Variants in TIMM17A observed in about 807,000 individuals in gnomAD.
TIMM17A encodes the protein mitochondrial import inner membrane translocase subunit Tim17-A.
Under a neutral mutation model 26.5 loss-of-function variants are expected in TIMM17A, and 15 were observed. The ratio of observed to expected loss-of-function variants is 0.57; its 90% CI spans 0.38 to 0.87. TIMM17A has a LOEUF of 0.87. Ranked by LOEUF, TIMM17A falls within the 40% of genes least tolerant of loss-of-function variation. The pLI is 0.00. For synonymous variants in TIMM17A, 80 were observed against 70.8 expected (o/e 1.13, Z -0.66); for missense variants, 201 against 210.0 (o/e 0.96, Z 0.27).
intron 3 of TIMM17A, chr1:201,963,394 T>G: frequency 2.2e-6 from 1 of 448,660 alleles, no homozygotes; most frequent in Non-Finnish European, 3.9e-6. Flanking sequence ...TCTTATAGGC[T>G]TTGGGCCGTT....
intron 5 of TIMM17A, among the ~76,000 whole-genome samples, chr1:201,967,132 C>G (rs1682647685): frequency 6.6e-6 from 1 of 151,572 alleles, no homozygotes; most frequent in African/African-American, 2.4e-5. Context: ...GGAAAAGATT[C>G]AGCATAAAGT....
chr1:201,966,193 T>G (rs745721032), intron 5 of TIMM17A, among the ~76,000 whole-genome samples: 1 of 152,158 alleles, frequency 6.6e-6, no homozygotes, highest in Non-Finnish European at 1.5e-5. Context: ...GATCATTACA[T>G]GGTTATAGAA....
Position 201,963,601 on chromosome 1 carries a change from T to C in TIMM17A, c.191-15T>C. On this transcript the variant is annotated splice_polypyrimidine_tract_variant and intron_variant, in intron 3 of 5. Coordinates refer to ENST00000367287, the MANE Select transcript of TIMM17A (RefSeq NM_006335.3). ...TTAAATTAGTATTTGCTTGTTTCTT[T>C]TTACAATAAAATAGGTAGCTTTGCA... 1 of 1,592,650 alleles carries C rather than the reference T, an allele frequency of 6.3e-7. No homozygotes were observed. Among genetic ancestry groups the C allele is most frequent in the Non-Finnish European group, 8.5e-7 (1 of 1,174,390 alleles).
chr1:201,957,634 AT>A, intron 3 of TIMM17A, 60 bp downstream of exon 3: 1 of 1,388,370 alleles, frequency 7.2e-7, no homozygotes, highest in Non-Finnish European at 1.0e-6. Context: ...AGATGGAGCT[AT>A]TTTTATTTTT....
At position 201,970,140 on chromosome 1, in the gene TIMM17A, CTA is replaced by C. The variant is rs1165655434; in HGVS notation, c.*588_*589del. 6.6e-6 allele frequency: 1 copy of C among 152,172 alleles called. No homozygotes were observed. Among genetic ancestry groups the C allele is most frequent in the African/African-American group, 2.4e-5 (1 of 41,440 alleles). 9.4% of individuals were successfully genotyped at this position (152,172 alleles called of 1,614,324 possible). On this transcript the variant is annotated 3_prime_UTR_variant, in exon 6 of 6. Transcript: ENST00000367287. ...TAGTTTACTTTGAAAGTAAAATATA[CTA>C]TGTCTTGGTTTTGAGGATATTGGAT... is the stretch of plus-strand genomic sequence containing the variant.
At chr1:201,956,470 C>T (rs1352901354) in intron 1 of TIMM17A, among the ~76,000 whole-genome samples, 4 of 152,180 alleles carry the variant, frequency 2.6e-5, no homozygotes, top group Non-Finnish European at 4.4e-5. Flanking sequence ...ATGTTCCCCT[C>T]TCCCATAAAT....
At chr1:201,956,686 G>A (rs1193224600) in intron 1 of TIMM17A, among the ~76,000 whole-genome samples, 4 of 152,212 alleles carry the variant, frequency 2.6e-5, no homozygotes, top group African/African-American at 7.2e-5. Flanking sequence ...ATAAGGCCGG[G>A]TGTGGTGGCT....
chr1:201,958,527 C>T (rs1397755784), intron 3 of TIMM17A, among the ~76,000 whole-genome samples: 1 of 152,156 alleles, frequency 6.6e-6, no homozygotes, highest in Non-Finnish European at 1.5e-5. Context: ...GCATGGCTGC[C>T]CATTTCCCCA....
Position 201,963,347 on chromosome 1 carries a change from A to G in TIMM17A, c.191-269A>G, listed in dbSNP as rs908978181. 2.0e-5 allele frequency: 6 copies of G among 304,034 alleles called. 1 individual carries two copies. In the Admixed American group the frequency reaches 2.3e-4, roughly 11 times the overall value. 18.8% of individuals were successfully genotyped at this position (304,034 alleles called of 1,614,324 possible). A position where few individuals can be genotyped will look rare whatever the true frequency, so the allele number is the denominator to read the frequency against. On this transcript the variant is annotated intron_variant, in intron 3 of 5. Transcript: ENST00000367287. Reference sequence around the variant, plus strand: ...CACTTCAGCCTCCCAAAGTGCTGGGATTACAGGTGTGAGCTATGGCACCCG... The same window carrying G: ...CACTTCAGCCTCCCAAAGTGCTGGGGTTACAGGTGTGAGCTATGGCACCCG...
chr1:201,967,715 A>T (rs1219126431), intron 5 of TIMM17A, among the ~76,000 whole-genome samples: 2 of 151,130 alleles, frequency 1.3e-5, no homozygotes, highest in Non-Finnish European at 2.9e-5. Flanking sequence ...GCTAATTTTT[A>T]TATTTTTTGT....
At chr1:201,966,832 A>C (rs1169433179) in intron 5 of TIMM17A, among the ~76,000 whole-genome samples, 1 of 148,420 alleles carries the variant, frequency 6.7e-6, no homozygotes, top group Non-Finnish European at 1.5e-5. Flanking sequence ...ACAGAGCAAG[A>C]CTCCATCTCA....
chr1:201,955,549 C>T lies in TIMM17A; in HGVS notation c.23C>T (p.Pro8Leu), dbSNP rs1387776794. Residue 8 changes from proline (P) to leucine (L), a missense_variant, in exon 1 of 6, where the codon CCT becomes CTT. Transcript: ENST00000367287. ...AAGATGGAGGAGTACGCGCGAGAGCCTTGGTGAGCTTCACCGCTGTCTTTG... is the reference window on the plus strand; with the variant it reads ...AAGATGGAGGAGTACGCGCGAGAGCTTTGGTGAGCTTCACCGCTGTCTTTG... Reference protein sequence around the residue: MEEYAREPCPWRIVDDCG... With the variant: MEEYARELCPWRIVDDCG... 1.9e-6 allele frequency: 3 copies of T among 1,614,274 alleles called. No homozygotes were observed. The highest frequency in any genetic ancestry group is 2.5e-6 in the Non-Finnish European group (3 of 1,180,052).
intron 3 of TIMM17A, chr1:201,957,831 GAC>G: frequency 2.5e-6 from 1 of 392,616 alleles, no homozygotes; most frequent in African/African-American, 2.2e-5. Context: ...CCAGAAGAAA[GAC>G]AGTTATTTAA....
intron 4 of TIMM17A, among the ~76,000 whole-genome samples, chr1:201,964,635 C>CTTTTTTTTTTTTATTTTTTTTTTTTTTT (rs1682591187): frequency 1.1e-5 from 1 of 90,954 alleles, no homozygotes; most frequent in Non-Finnish European, 2.0e-5. Context: ...TATTTTATTT[C>CTTTTTTTTTTTTATTTTTTTTTTTTTTT]TTTTTTTTTT....
rs570309464 is a variant in TIMM17A at position 201,964,635 on chromosome 1, C to CTTTTTTTTTT, written c.320-776_320-767dup. On this transcript the variant is annotated intron_variant, in intron 4 of 5. Coordinates refer to ENST00000367287, the MANE Select transcript of TIMM17A (RefSeq NM_006335.3). ...TTTATTTATTTATTTTATTTTATTT[C>CTTTTTTTTTT]TTTTTTTTTTTTTTTTTTTTTTTTT... is the stretch of plus-strand genomic sequence containing the variant. 6.4e-4 allele frequency among the ~76,000 whole-genome samples: 58 copies of CTTTTTTTTTT among 90,954 alleles called. 8 individuals are homozygous for CTTTTTTTTTT. The highest frequency in any genetic ancestry group is 1.6e-3 in the East Asian group (5 of 3,126). 59.7% of individuals were successfully genotyped at this position (90,954 alleles called of 152,430 possible).
chr1:201,957,558 G>C lies in TIMM17A; in HGVS notation c.174G>C (p.Arg58Ser). Residue 58 changes from arginine (R) to serine (S), a missense_variant, in exon 3 of 6, where the codon AGG (arginine) becomes AGC (serine). Coordinates refer to ENST00000367287, the MANE Select transcript of TIMM17A (RefSeq NM_006335.3). ...LRGSLTAIKT[R>S]APQLGGSFAV... The stretch of plus-strand genomic sequence containing the variant: ...GGAGTTTGACAGCTATTAAAACCAG[G>C]GCTCCACAGTTAGGAGGTAAGCAGA... 1 of 1,613,344 alleles carries C rather than the reference G, an allele frequency of 6.2e-7. No individual in the cohort carries two copies. The highest frequency in any genetic ancestry group is 8.5e-7 in the Non-Finnish European group (1 of 1,179,920).
At chr1:201,959,505 T>A (rs1558249808) in intron 3 of TIMM17A, among the ~76,000 whole-genome samples, 1 of 147,186 alleles carries the variant, frequency 6.8e-6, no homozygotes, top group East Asian at 2.0e-4. Flanking sequence ...AATACAAAAA[T>A]TAGCTGGGCA....
intron 3 of TIMM17A, among the ~76,000 whole-genome samples, chr1:201,961,729 A>G (rs1229775623): frequency 1.3e-5 from 2 of 152,176 alleles, no homozygotes; most frequent in African/African-American, 2.4e-5. Flanking sequence ...TATACAATCT[A>G]TATTTCTGTA....
At chr1:201,959,220 G>C (rs1283682829) in intron 3 of TIMM17A, among the ~76,000 whole-genome samples, 7 of 152,182 alleles carry the variant, frequency 4.6e-5, no homozygotes, top group African/African-American at 1.4e-4. Flanking sequence ...GCTGGGCCCG[G>C]TGGTGCATGC....
Sources: gnomAD v4.1 joint callset for allele counts (sites outside exome capture counted in the v4.1 genomes callset) on GRCh38, gnomAD v4.1.1 for gene constraint, MANE v1.5 for transcripts, NCBI Gene and HGNC (gene_info 2026-07-23, HGNC 2026-07-21) for gene names.